Variants in TENM3 observed in about 807,000 individuals in gnomAD.
TENM3 encodes teneurin-3.
A neutral mutation model predicts 255.1 loss-of-function variants in TENM3; 63 were observed. The ratio of observed to expected loss-of-function variants is 0.25; its 90% CI spans 0.20 to 0.30. TENM3 has a LOEUF of 0.30. TENM3 is among the 10% of genes least tolerant of loss of function. The pLI, the probability that TENM3 is intolerant of heterozygous loss-of-function variation, is 1.00. For synonymous variants in TENM3, 1,306 were observed against 1,322.3 expected (o/e 0.99, Z 0.27); for missense variants, 2,929 against 3,461.1 (o/e 0.85, Z 3.86).
chr4:182,146,079 TGGA>T (rs1749946345), intron 1 of TENM3, among the ~76,000 whole-genome samples: 1 of 152,176 alleles, frequency 6.6e-6, no homozygotes, highest in African/African-American at 2.4e-5. Flanking sequence ...ACTGCCTACT[TGGA>T]GAAGTATTTG....
the TENM3 span, among the ~76,000 whole-genome samples, chr4:181,513,858 G>C: frequency 6.6e-6 from 1 of 152,126 alleles, no homozygotes; most frequent in Non-Finnish European, 1.5e-5. Context: ...CCAGCCACTT[G>C]ACGTAGGCTA....
intron 12 of TENM3, among the ~76,000 whole-genome samples, chr4:182,703,198 G>T (rs957870979): frequency 9.9e-5 from 15 of 152,198 alleles, no homozygotes; most frequent in African/African-American, 3.6e-4. Context: ...AATTGTCATA[G>T]AAACAGATGC....
chr4:182,609,806 C>G (rs552055259), intron 4 of TENM3, among the ~76,000 whole-genome samples: 44 of 146,704 alleles, frequency 3.0e-4, no homozygotes, highest in African/African-American at 9.2e-4. Context: ...TGTAATACTT[C>G]ACAACGACTT....
the TENM3 span, among the ~76,000 whole-genome samples, chr4:181,825,822 T>C: frequency 6.6e-6 from 1 of 152,160 alleles, no homozygotes; most frequent in African/African-American, 2.4e-5. Context: ...CCAAAACTGT[T>C]TATTTAGAAA....
the TENM3 span, among the ~76,000 whole-genome samples, chr4:181,565,213 C>T: frequency 7.2e-5 from 11 of 152,274 alleles, 1 homozygote; most frequent in South Asian, 2.3e-3. Flanking sequence ...GTCCCATGAC[C>T]TTCATCAGAG....
At chr4:181,449,726 G>A in the TENM3 span, among the ~76,000 whole-genome samples, 13 of 152,210 alleles carry the variant, frequency 8.5e-5, no homozygotes, top group Non-Finnish European at 1.5e-4. Context: ...GGCCGAGGTT[G>A]CAATGAGCCG....
chr4:181,905,896 C>T, the TENM3 span: 1 of 519,216 alleles, frequency 1.9e-6, no homozygotes, highest in Admixed American at 2.3e-5. Context: ...TTCATAATTA[C>T]ATTAAGTGCA....
the TENM3 span, among the ~76,000 whole-genome samples, chr4:181,486,430 G>C: frequency 6.6e-6 from 1 of 152,194 alleles, no homozygotes. Context: ...CCACCAATTA[G>C]CTGTGAAGAA....
intron 1 of TENM3, among the ~76,000 whole-genome samples, chr4:182,311,644 T>TGTGAGGATTAA (rs1489672015): frequency 6.6e-6 from 1 of 152,230 alleles, no homozygotes; most frequent in Non-Finnish European, 1.5e-5. Flanking sequence ...GCAAGGTTGT[T>TGTGAGGATTAA]GTGAGGATTA....
chr4:182,669,394 C>G (rs1031711611), intron 6 of TENM3, among the ~76,000 whole-genome samples: 2 of 151,984 alleles, frequency 1.3e-5, no homozygotes, highest in African/African-American at 2.4e-5. Context: ...CTCAGCCTCC[C>G]GAGTAGCTGG....
the TENM3 span, among the ~76,000 whole-genome samples, chr4:182,125,980 T>C: frequency 6.6e-6 from 1 of 152,102 alleles, no homozygotes; most frequent in South Asian, 2.1e-4. Flanking sequence ...TTCACCCTTT[T>C]CCTTTGCATC....
At chr4:181,567,208 C>T in the TENM3 span, among the ~76,000 whole-genome samples, 3 of 152,208 alleles carry the variant, frequency 2.0e-5, no homozygotes, top group Non-Finnish European at 4.4e-5. Flanking sequence ...TTCATCATCA[C>T]CTTTAAGGAT....
At chr4:182,683,879 A>G (rs1164833142) in intron 11 of TENM3, among the ~76,000 whole-genome samples, 1 of 152,002 alleles carries the variant, frequency 6.6e-6, no homozygotes, top group Admixed American at 6.6e-5. Context: ...GATAAATCTG[A>G]GGGACATTTG....
At chr4:182,117,770 TA>T in the TENM3 span, among the ~76,000 whole-genome samples, 191 of 152,338 alleles carry the variant, frequency 1.3e-3, 3 homozygotes, top group East Asian at 2.9e-3. Context: ...ATATTCTGGA[TA>T]TTTTTTTCCA....
intron 3 of TENM3, among the ~76,000 whole-genome samples, chr4:182,443,057 A>G (rs1466058933): frequency 6.6e-6 from 1 of 152,080 alleles, no homozygotes; most frequent in African/African-American, 2.4e-5. Flanking sequence ...GAATGGGTGA[A>G]TGGAATGATG....
chr4:181,871,120 C>A, the TENM3 span, among the ~76,000 whole-genome samples: 1 of 151,894 alleles, frequency 6.6e-6, no homozygotes, highest in Non-Finnish European at 1.5e-5. Flanking sequence ...TTGATCTATT[C>A]TATTATCCCT....
the TENM3 span, among the ~76,000 whole-genome samples, chr4:182,100,808 C>T: frequency 0.53 from 1,923 of 3,626 alleles, 480 homozygotes; most frequent in East Asian, 0.61. Flanking sequence ...CATATATATA[C>T]ACATATATAT....
At chr4:182,794,401 C>G (rs558920249) in intron 26 of TENM3, among the ~76,000 whole-genome samples, 1 of 152,154 alleles carries the variant, frequency 6.6e-6, no homozygotes, top group East Asian at 1.9e-4. Context: ...GTGTGAAGTT[C>G]TCATGGAGAT....
intron 1 of TENM3, among the ~76,000 whole-genome samples, chr4:182,205,063 C>A (rs915802050): frequency 6.6e-6 from 1 of 152,118 alleles, no homozygotes; most frequent in Admixed American, 6.5e-5. Flanking sequence ...TTAAAATAAC[C>A]CCATCTTACA....
Sources: gnomAD v4.1 joint callset for allele counts (sites outside exome capture counted in the v4.1 genomes callset) on GRCh38, gnomAD v4.1.1 for gene constraint, MANE v1.5 for transcripts, NCBI Gene and HGNC (gene_info 2026-07-23, HGNC 2026-07-21) for gene names.